The following AGAP4 variants were observed in gnomAD, a reference collection of about 807,000 sequenced individuals.
AGAP4 encodes arf-GAP with GTPase, ANK repeat and PH domain-containing protein 4.
AGAP4 carries 13 observed loss-of-function variants against 60.7 expected under a neutral mutation model. That is an observed-to-expected ratio of 0.21 (90% CI 0.14 to 0.34). The LOEUF (loss-of-function observed/expected upper bound fraction) is 0.34, where lower values mean the gene tolerates loss of function less well. AGAP4 is among the 10% of genes least tolerant of loss of function. The pLI, the probability that AGAP4 is intolerant of heterozygous loss-of-function variation, is 1.00. For synonymous variants in AGAP4, 70 were observed against 339.0 expected (o/e 0.21, Z 8.72); for missense variants, 169 against 884.0 (o/e 0.19, Z 10.26).
intron 4 of AGAP4, among the ~76,000 whole-genome samples, chr10:45,838,011 T>C (rs2058850843): frequency 6.6e-6 from 1 of 150,584 alleles, no homozygotes; most frequent in Non-Finnish European, 1.5e-5. Flanking sequence ...AAATTACAAT[T>C]ACAAAAATAT....
chr10:45,852,217 T>TAAAAAAA (rs781889843), upstream of AGAP4, among the ~76,000 whole-genome samples: 5 of 91,734 alleles, frequency 5.5e-5, no homozygotes, highest in African/African-American at 2.7e-4. Flanking sequence ...GGCCAGACTT[T>TAAAAAAA]AAAAAAAAAA....
At chr10:45,838,660 CT>C (rs2058865191) in intron 4 of AGAP4, among the ~76,000 whole-genome samples, 1 of 150,910 alleles carries the variant, frequency 6.6e-6, no homozygotes, top group South Asian at 2.1e-4. Flanking sequence ...CAGCCTCAAA[CT>C]CCTGAGCTCA....
chr10:45,841,853 A>C (rs1277050594), intron 3 of AGAP4, among the ~76,000 whole-genome samples, 166 bp from the exon 4 acceptor site: 6 of 151,944 alleles, frequency 3.9e-5, no homozygotes, highest in African/African-American at 1.5e-4. Flanking sequence ...GATTAATTTC[A>C]TAAGTCAAAT....
upstream of AGAP4, among the ~76,000 whole-genome samples, chr10:45,852,423 TG>T (rs1222386547): frequency 7.0e-6 from 1 of 142,072 alleles, no homozygotes; most frequent in African/African-American, 2.6e-5. Context: ...ATCAACAAAG[TG>T]AAAGATGGGT....
chr10:45,829,643 G>A (rs2058699469), intron 6 of AGAP4, among the ~76,000 whole-genome samples: 1 of 152,228 alleles, frequency 6.6e-6, no homozygotes, highest in Admixed American at 6.5e-5. Flanking sequence ...CTTGAGCTGA[G>A]ATCATGCCAA....
At chr10:45,852,190 C>T (rs1564866582), upstream of AGAP4, among the ~76,000 whole-genome samples, 1 of 128,408 alleles carries the variant, frequency 7.8e-6, no homozygotes, top group African/African-American at 3.0e-5. Flanking sequence ...GGATTACAGG[C>T]GTGAGCCACT....
intron 1 of AGAP4, among the ~76,000 whole-genome samples, chr10:45,853,024 A>G (rs1564867121): frequency 6.6e-6 from 1 of 152,094 alleles, no homozygotes; most frequent in Non-Finnish European, 1.5e-5. Context: ...AAGTTTTACA[A>G]CCCTTTGCAA....
At chr10:45,849,457 A>AGATGATGAT (rs1219114195), upstream of AGAP4, among the ~76,000 whole-genome samples, 16 of 145,314 alleles carry the variant, frequency 1.1e-4, no homozygotes, top group African/African-American at 3.8e-4. Flanking sequence ...ATGACATTGT[A>AGATGATGAT]GATGATGATG....
chr10:45,834,053 T>G lies in AGAP4; in HGVS notation c.460A>C (p.Thr154Pro). ...ATTGTAAGATAATGCTGGATGGCTG[T>G]GCTGTCATCAAGGAATATTGTCGAA... ...LCSTIFLDDS[T>P]AIQHYLTMTI... Residue 154 changes from threonine (T) to proline (P), a missense_variant, in exon 5 of 8, where the codon ACA (threonine) becomes CCA (proline). Transcript: ENST00000616763. 6.3e-7 allele frequency: 1 copy of G among 1,597,130 alleles called. No homozygotes were observed. The highest frequency in any genetic ancestry group is 1.4e-5 in the African/African-American group (1 of 71,686).
intron 3 of AGAP4, among the ~76,000 whole-genome samples, 195 bp from the exon 4 acceptor site, chr10:45,841,882 A>T (rs2058925268): frequency 6.6e-6 from 1 of 151,956 alleles, no homozygotes; most frequent in African/African-American, 2.4e-5. Flanking sequence ...TTAGATTTTC[A>T]TTTAGTTTAC....
chr10:45,833,378 GTTAAA>G (rs1442910779), intron 5 of AGAP4, among the ~76,000 whole-genome samples: 7 of 71,208 alleles, frequency 9.8e-5, no homozygotes, highest in African/African-American at 1.7e-4. Flanking sequence ...AGAATGAAAA[GTTAAA>G]TTAAAGATAA....
intron 4 of AGAP4, among the ~76,000 whole-genome samples, chr10:45,837,479 C>T (rs1294889486): frequency 6.7e-6 from 1 of 148,488 alleles, no homozygotes; most frequent in African/African-American, 2.4e-5. Flanking sequence ...TACTATAAGG[C>T]CATAGTCGCC....
At chr10:45,850,624 G>A (rs1342899641), upstream of AGAP4, among the ~76,000 whole-genome samples, 12 of 152,374 alleles carry the variant, frequency 7.9e-5, no homozygotes, top group African/African-American at 2.6e-4. Flanking sequence ...AAGGGCAGTG[G>A]CAGTGACAAA....
chr10:45,834,772 TA>T (rs1222359521), intron 4 of AGAP4, among the ~76,000 whole-genome samples: 4 of 141,586 alleles, frequency 2.8e-5, no homozygotes, highest in Non-Finnish European at 6.0e-5. Flanking sequence ...ATTAATTAAT[TA>T]ATTTATTTAT....
intron 4 of AGAP4, among the ~76,000 whole-genome samples, chr10:45,834,378 T>C (rs1258632787): frequency 7.1e-6 from 1 of 140,844 alleles, no homozygotes; most frequent in Admixed American, 6.9e-5. Flanking sequence ...TTAAAAATAA[T>C]GGGAAAAGTC....
intron 6 of AGAP4, among the ~76,000 whole-genome samples, chr10:45,830,339 T>G (rs2058711606): frequency 7.6e-6 from 1 of 132,186 alleles, no homozygotes; most frequent in Admixed American, 7.6e-5. Flanking sequence ...CGCCCAGCCA[T>G]TTTTTGTACT....
At chr10:45,852,947 A>AT (rs1435910858) in intron 1 of AGAP4, among the ~76,000 whole-genome samples, 3 of 151,964 alleles carry the variant, frequency 2.0e-5, no homozygotes, top group Non-Finnish European at 4.4e-5. Flanking sequence ...AGAAACTAAC[A>AT]TGCTATGCCA....
At chr10:45,831,503 G>T (rs1245069837) in intron 5 of AGAP4, 74 bp from the exon 6 acceptor site, 6 of 1,343,894 alleles carry the variant, frequency 4.5e-6, no homozygotes, top group Non-Finnish European at 4.2e-6. Flanking sequence ...TAAAAGGGGG[G>T]CAGAGGAAAC....
At chr10:45,852,741 A>C (rs1273501307) in intron 1 of AGAP4, among the ~76,000 whole-genome samples, 17 of 152,094 alleles carry the variant, frequency 1.1e-4, no homozygotes, top group Non-Finnish European at 7.4e-5. Flanking sequence ...AAGAAAGCTC[A>C]GTTTCAGTAA....
Sources: gnomAD v4.1 joint callset for allele counts (sites outside exome capture counted in the v4.1 genomes callset) on GRCh38, gnomAD v4.1.1 for gene constraint, MANE v1.5 for transcripts, NCBI Gene and HGNC (gene_info 2026-07-23, HGNC 2026-07-21) for gene names.